CEP41: variants seen among roughly 807,000 people sequenced by gnomAD.
CEP41 encodes centrosomal protein of 41 kDa.
CEP41 carries 32 observed loss-of-function variants against 44.3 expected under a neutral mutation model. The observed-to-expected ratio is 0.72, with a 90% CI of 0.54 to 0.97. The LOEUF is 0.97. Ranked by LOEUF, CEP41 falls within the 50% of genes least tolerant of loss-of-function variation. CEP41 has a pLI of 0.00. For missense variants in CEP41, 432 were observed against 455.2 expected, an observed-to-expected ratio of 0.95 and a Z score of 0.46; for synonymous variants, 151 against 168.5, an observed-to-expected ratio of 0.90 and a Z score of 0.80.
chr7:130,411,011 T>C (rs1023987718), intron 5 of CEP41, 111 bp downstream of exon 5: 15 of 904,716 alleles, frequency 1.7e-5, no homozygotes, highest in Non-Finnish European at 2.8e-5. Flanking sequence ...TAATTACAAA[T>C]AGATACATCA....
chr7:130,419,696 A>G (rs1419352319), intron 2 of CEP41: 1 of 984,996 alleles, frequency 1.0e-6, no homozygotes, highest in African/African-American at 1.8e-5. Flanking sequence ...TAAAGCTGAA[A>G]CTCCTTGCTC....
intron 10 of CEP41, 185 bp downstream of exon 10, chr7:130,399,854 C>T (rs1274466641): frequency 3.4e-6 from 2 of 592,074 alleles, no homozygotes; most frequent in Non-Finnish European, 6.0e-6. Context: ...TTGATAAAGT[C>T]TCTCTTCAAT....
At chr7:130,405,944 A>G (rs1340933169) in intron 5 of CEP41, among the ~76,000 whole-genome samples, 4 of 152,232 alleles carry the variant, frequency 2.6e-5, no homozygotes, top group Admixed American at 1.3e-4. Context: ...AGAAGCAGAG[A>G]GGAAAATCAG....
chr7:130,440,178 G>T (rs1178754385), intron 1 of CEP41, among the ~76,000 whole-genome samples: 3 of 151,850 alleles, frequency 2.0e-5, no homozygotes, highest in African/African-American at 7.3e-5. Context: ...TCACCACCAC[G>T]CCCGGCTAAT....
intron 1 of CEP41, among the ~76,000 whole-genome samples, chr7:130,433,789 T>C (rs1040318294): frequency 6.6e-6 from 1 of 152,222 alleles, no homozygotes; most frequent in Admixed American, 6.5e-5. Context: ...GTCTTACTCC[T>C]GCACTTGGGA....
At chr7:130,440,785 C>CCCCCCCCCCA in intron 1 of CEP41, 149 bp downstream of exon 1, 1 of 561,264 alleles carries the variant, frequency 1.8e-6, no homozygotes, top group Non-Finnish European at 3.3e-6. Context: ...AAGCCCGGCC[C>CCCCCCCCCCA]GCCCCGCCCC....
chr7:130,436,041 C>T (rs565823953), intron 1 of CEP41, among the ~76,000 whole-genome samples: 94 of 152,296 alleles, frequency 6.2e-4, no homozygotes, highest in African/African-American at 2.1e-3. Flanking sequence ...GTAATCCCAG[C>T]TACTCAGGAG....
At chr7:130,404,933 C>CT (rs1286264570) in intron 5 of CEP41, among the ~76,000 whole-genome samples, 1 of 152,126 alleles carries the variant, frequency 6.6e-6, no homozygotes, top group Non-Finnish European at 1.5e-5. Context: ...TGTTACTTGT[C>CT]TTTTTTACTG....
intron 10 of CEP41, chr7:130,399,374 C>T (rs1301517582): frequency 8.6e-6 from 3 of 349,188 alleles, no homozygotes; most frequent in East Asian, 6.5e-5. Flanking sequence ...GAAAGCAGTA[C>T]GGTGAAACTA....
At chr7:130,415,439 T>C (rs1270795105) in intron 3 of CEP41, among the ~76,000 whole-genome samples, 2 of 152,140 alleles carry the variant, frequency 1.3e-5, no homozygotes, top group Non-Finnish European at 2.9e-5. Context: ...GTGTGTGAAA[T>C]GGGGTAACAG....
Position 130,415,357 on chromosome 7 carries a change from G to A in CEP41, c.145+1562C>T, listed in dbSNP as rs191697336. The stretch of plus-strand genomic sequence containing the variant: ...ACTTACAACAGAAAATGGGGAAAGA[G>A]AAGGAAATATCTTCTAAAATGTAGA... On this transcript the variant is annotated intron_variant, in intron 3 of 10. Coordinates refer to ENST00000223208, the MANE Select transcript of CEP41 (RefSeq NM_018718.3). 4.6e-5 allele frequency among the ~76,000 whole-genome samples: 7 copies of A among 152,324 alleles called. No individual in the cohort carries two copies. In the East Asian group the frequency reaches 1.2e-3, roughly 25 times the overall value.
At chr7:130,410,771 T>G (rs531883589) in intron 5 of CEP41, 1 of 349,172 alleles carries the variant, frequency 2.9e-6, no homozygotes, top group South Asian at 2.7e-5. Context: ...CACATGTGAC[T>G]GTCAATTTCA....
At chr7:130,440,325 C>T (rs1326358716) in intron 1 of CEP41, among the ~76,000 whole-genome samples, 1 of 152,082 alleles carries the variant, frequency 6.6e-6, no homozygotes. Context: ...GTCCACTATA[C>T]GCAATTTATT....
At chr7:130,439,606 C>T (rs1798078717) in intron 1 of CEP41, among the ~76,000 whole-genome samples, 1 of 152,130 alleles carries the variant, frequency 6.6e-6, no homozygotes, top group Non-Finnish European at 1.5e-5. Context: ...TAAGATGCCA[C>T]GTATAAGTGA....
chr7:130,398,763 G>A lies in CEP41; in HGVS notation c.*128C>T, dbSNP rs782483888. 3.6e-6 allele frequency: 4 copies of A among 1,098,860 alleles called. No individual in the cohort carries two copies. The highest frequency in any genetic ancestry group is 5.5e-6 in the Non-Finnish European group (4 of 721,260). The allele number at this position is 1,098,860 out of a possible 1,614,324, so 68.1% of individuals were successfully genotyped here. The stretch of plus-strand genomic sequence containing the variant: ...AGGAACTGGAGACAGGGACAGGGAA[G>A]AGGCCTATCCCATACATATGTCATG... On this transcript the variant is annotated 3_prime_UTR_variant, in exon 11 of 11. Coordinates refer to ENST00000223208, the MANE Select transcript of CEP41 (RefSeq NM_018718.3).
rs557108045 is a variant in CEP41, at chr7:130,397,330, G to C, written c.*1561C>G. The C allele has an allele frequency of 4.4e-6, 2 of 454,388 alleles. No individual in the cohort carries two copies. Among genetic ancestry groups the C allele is most frequent in the Admixed American group, 4.7e-5 (2 of 42,560 alleles). 28.1% of individuals were successfully genotyped at this position (454,388 alleles called of 1,614,324 possible). A position where few individuals can be genotyped will look rare whatever the true frequency, so the allele number is the denominator to read the frequency against. ...TCTGAACAATGTCCCTGGTTTGTTT[G>C]ATTTCTAAAGCATCGGAAAATGTTG... On this transcript the variant is annotated 3_prime_UTR_variant, in exon 11 of 11. Transcript: ENST00000223208.
chr7:130,425,603 A>T (rs2117664067), intron 2 of CEP41, among the ~76,000 whole-genome samples: 1 of 152,356 alleles, frequency 6.6e-6, no homozygotes, highest in East Asian at 1.9e-4. Context: ...CATTTTCTTT[A>T]AAAACTACAT....
intron 3 of CEP41, among the ~76,000 whole-genome samples, chr7:130,415,090 C>G (rs1554420593): frequency 6.6e-6 from 1 of 152,052 alleles, no homozygotes; most frequent in African/African-American, 2.4e-5. Context: ...GTCTATTTTC[C>G]CCAGGTAGAG....
At chr7:130,418,180 G>A (rs1380944442) in intron 2 of CEP41, among the ~76,000 whole-genome samples, 1 of 152,124 alleles carries the variant, frequency 6.6e-6, no homozygotes, top group Non-Finnish European at 1.5e-5. Flanking sequence ...GCCTGGACCT[G>A]GAAGTTCCAA....
Sources: allele counts gnomAD v4.1 joint callset (sites outside exome capture counted in the v4.1 genomes callset), GRCh38; gene constraint gnomAD v4.1.1; transcripts MANE v1.5; gene names NCBI Gene and HGNC (gene_info 2026-07-23, HGNC 2026-07-21).